The following GOLGA8A variants were observed in gnomAD, a reference collection of about 807,000 sequenced individuals.
GOLGA8A encodes the protein golgin subfamily A member 8A.
A neutral mutation model predicts 22.1 loss-of-function variants in GOLGA8A; 3 were observed. The observed-to-expected ratio is 0.14, with a 90% CI of 0.06 to 0.35. The LOEUF (loss-of-function observed/expected upper bound fraction) is 0.35, where lower values mean the gene tolerates loss of function less well. GOLGA8A is among the 10% of genes least tolerant of loss of function. GOLGA8A has a pLI of 1.00. For synonymous variants in GOLGA8A, 7 were observed against 91.7 expected (o/e 0.08, Z 5.28); for missense variants, 16 against 233.2 (o/e 0.07, Z 6.07).
At chr15:34,427,980 A>G (rs1354177991) in intron 2 of GOLGA8A, among the ~76,000 whole-genome samples, 1 of 149,006 alleles carries the variant, frequency 6.7e-6, no homozygotes, top group Non-Finnish European at 1.5e-5. Context: ...GAACTACAGC[A>G]TAATATTAGA....
rs1566903166 is a variant in GOLGA8A at position 34,383,950 on chromosome 15, C to CA, written c.654+10dup. 1.9e-5 allele frequency: 9 copies of CA among 485,940 alleles called. No individual in the cohort carries two copies. In the Admixed American group the frequency reaches 2.0e-4, roughly 11 times the overall value. 30.1% of individuals were successfully genotyped at this position (485,940 alleles called of 1,614,324 possible). ...TCTTCCTTCCACATCCCTCCCTCTG[C>CA]AAAACCTCACCTGTGTCACGTGTCC... On this transcript the variant is annotated intron_variant, in intron 17 of 24. Coordinates refer to ENST00000359187, the MANE Select transcript of GOLGA8A (RefSeq NM_181077.5).
rs1427327458 is a variant in GOLGA8A, at chr15:34,437,257, C to T, written c.-1212+141G>A. The T allele has an allele frequency of 2.7e-5, 4 of 146,326 alleles. 1 individual carries two copies. The highest frequency in any genetic ancestry group is 6.1e-5 in the Non-Finnish European group (4 of 65,802). The allele number at this position is 146,326 out of a possible 1,614,324, so 9.1% of individuals were successfully genotyped here. A position where few individuals can be genotyped will look rare whatever the true frequency, so the allele number is the denominator to read the frequency against. The stretch of plus-strand genomic sequence containing the variant: ...CAGCGGCGGCCTCCCCGCAGCCCCG[C>T]CGAGTCCGGGGGGCAGCGCTCGGGA... On this transcript the variant is annotated intron_variant, in intron 1 of 24. Coordinates refer to ENST00000359187, the MANE Select transcript of GOLGA8A (RefSeq NM_181077.5).
intron 2 of GOLGA8A, among the ~76,000 whole-genome samples, chr15:34,413,920 G>A (rs1158716716): frequency 1.6e-5 from 1 of 62,610 alleles, no homozygotes; most frequent in Non-Finnish European, 3.1e-5. Context: ...GTGGCTTATA[G>A]TAAAGTGACT....
rs1440243813 is a variant in GOLGA8A, at chr15:34,422,721, T to G, written c.-1123+12662A>C. 3.3e-5 allele frequency among the ~76,000 whole-genome samples: 3 copies of G among 90,382 alleles called. 1 individual carries two copies. The highest frequency in any genetic ancestry group is 9.0e-5 in the African/African-American group (3 of 33,202). 59.3% of individuals were successfully genotyped at this position (90,382 alleles called of 152,430 possible). On this transcript the variant is annotated intron_variant, in intron 2 of 24. Transcript: ENST00000359187. ...CTCGCGCTCGTGCGCTTGTGCGCTC[T>G]CTCTCGCTCTCGCTCTCTCTCTCTC...
At position 34,437,416 on chromosome 15, in the gene GOLGA8A, T is replaced by G. The variant is rs952409737; in HGVS notation, c.-1230A>C. 5 of 140,780 alleles carry G rather than the reference T, an allele frequency of 3.6e-5. No homozygotes were observed. The highest frequency in any genetic ancestry group is 2.1e-4 in the East Asian group (1 of 4,688). 8.7% of individuals were successfully genotyped at this position (140,780 alleles called of 1,614,324 possible). On this transcript the variant is annotated 5_prime_UTR_variant, in exon 1 of 25. Coordinates refer to ENST00000359187, the MANE Select transcript of GOLGA8A (RefSeq NM_181077.5). Reference sequence around the variant, plus strand: ...AGCTTACCTGGCCAGGGCGCGGGGCTGCCCCGGTCCGCCGCCGTCCTCGCC... The same window carrying G: ...AGCTTACCTGGCCAGGGCGCGGGGCGGCCCCGGTCCGCCGCCGTCCTCGCC...
chr15:34,435,148 G>A (rs900426897), intron 2 of GOLGA8A, among the ~76,000 whole-genome samples: 9 of 149,402 alleles, frequency 6.0e-5, no homozygotes, highest in East Asian at 2.0e-4. Context: ...GAGGAGTGCC[G>A]GAGAGGAGCT....
chr15:34,436,379 G>C (rs1893511224), intron 1 of GOLGA8A, among the ~76,000 whole-genome samples: 2 of 149,908 alleles, frequency 1.3e-5, no homozygotes, highest in African/African-American at 4.9e-5. Context: ...CCAGACACAA[G>C]ATGCCAAGTT....
rs1370012315 is a variant in GOLGA8A at position 34,379,386 on chromosome 15, A to T, written c.*2025T>A. 1.3e-5 allele frequency: 2 copies of T among 152,504 alleles called. No homozygotes were observed. Among genetic ancestry groups the T allele is most frequent in the Non-Finnish European group, 2.9e-5 (2 of 68,022 alleles). 9.4% of individuals were successfully genotyped at this position (152,504 alleles called of 1,614,324 possible). ...TTATTTTAAAATGACTCTTTAAGAT[A>T]CAGTTTTAAACCCATGGGCTAGAAA... On this transcript the variant is annotated 3_prime_UTR_variant, in exon 25 of 25. Transcript: ENST00000359187.
At chr15:34,400,659 C>T (rs1892024283) in intron 6 of GOLGA8A, 53 bp downstream of exon 6, 1 of 144,984 alleles carries the variant, frequency 6.9e-6, no homozygotes, top group Non-Finnish European at 1.6e-5. Flanking sequence ...TTATTCGTTA[C>T]CCCGTATGAA....
chr15:34,429,848 G>C (rs1005104347), intron 2 of GOLGA8A, among the ~76,000 whole-genome samples: 3 of 148,126 alleles, frequency 2.0e-5, no homozygotes, highest in African/African-American at 7.5e-5. Context: ...GTGAATGACG[G>C]GCAAGGTGAG....
chr15:34,426,094 C>T (rs188069635), intron 2 of GOLGA8A, among the ~76,000 whole-genome samples: 10 of 148,502 alleles, frequency 6.7e-5, no homozygotes, highest in African/African-American at 2.5e-4. Flanking sequence ...CGCAAGTCCA[C>T]TTCTAGGAAT....
At position 34,381,024 on chromosome 15, in the gene GOLGA8A, G is replaced by T. The variant is rs1004062251; in HGVS notation, c.*387C>A. The T allele has an allele frequency of 2.0e-5, 7 of 356,318 alleles. No individual in the cohort carries two copies. Among genetic ancestry groups the T allele is most frequent in the Non-Finnish European group, 3.8e-5 (7 of 186,474 alleles). The allele number at this position is 356,318 out of a possible 1,614,324, so 22.1% of individuals were successfully genotyped here. ...CATTAGCAAATTTTATCTGAATTCT[G>T]TAATGGACATCCATGCTGCAATAAC... On this transcript the variant is annotated 3_prime_UTR_variant, in exon 25 of 25. Coordinates refer to ENST00000359187, the MANE Select transcript of GOLGA8A (RefSeq NM_181077.5).
chr15:34,432,165 CCTT>C (rs1893284952), intron 2 of GOLGA8A, among the ~76,000 whole-genome samples: 2 of 149,324 alleles, frequency 1.3e-5, no homozygotes, highest in Admixed American at 1.4e-4. Context: ...ACGTCAGCCA[CCTT>C]CCTGGAGGGC....
In GOLGA8A at chr15:34,427,246, G is replaced by A. The variant is rs1341129092; in HGVS notation, c.-1123+8137C>T. On this transcript the variant is annotated intron_variant, in intron 2 of 24. Transcript: ENST00000359187. ...CTCGGGAAGCTGAGGAAGGAGAATG[G>A]CGTGAACCCAGGAGGTGGAGCTTAC... 1.7e-4 allele frequency among the ~76,000 whole-genome samples: 25 copies of A among 144,990 alleles called. 1 individual carries two copies. Among genetic ancestry groups the A allele is most frequent in the African/African-American group, 5.9e-4 (23 of 38,874 alleles).
In GOLGA8A at chr15:34,430,569, C is replaced by G. The variant is rs1858195776; in HGVS notation, c.-1123+4814G>C. On this transcript the variant is annotated intron_variant, in intron 2 of 24. Coordinates refer to ENST00000359187, the MANE Select transcript of GOLGA8A (RefSeq NM_181077.5). The stretch of plus-strand genomic sequence containing the variant: ...CTGTGGCCAAAATCGGCCCACTCAT[C>G]ACTCAGCTGACAGCTTTCACGCGTA... 1.3e-5 allele frequency among the ~76,000 whole-genome samples: 2 copies of G among 149,330 alleles called. 1 individual carries two copies. The highest frequency in any genetic ancestry group is 1.4e-4 in the Admixed American group (2 of 14,804).
chr15:34,393,090 A>T (rs1227892827), intron 8 of GOLGA8A, among the ~76,000 whole-genome samples: 1 of 148,336 alleles, frequency 6.7e-6, no homozygotes, highest in Non-Finnish European at 1.5e-5. Flanking sequence ...AAAGGCTTGC[A>T]AGGAGATAGA....
At chr15:34,431,341 A>ATCTCTCTCTCTCTC (rs1566914029) in intron 2 of GOLGA8A, among the ~76,000 whole-genome samples, 4 of 103,088 alleles carry the variant, frequency 3.9e-5, no homozygotes, top group African/African-American at 1.4e-4. Context: ...ATATATATAT[A>ATCTCTCTCTCTCTC]TATATCTCAC....
chr15:34,431,314 T>TAC (rs1555400109), intron 2 of GOLGA8A, among the ~76,000 whole-genome samples: 3 of 9,616 alleles, frequency 3.1e-4, no homozygotes, highest in African/African-American at 7.4e-4. Flanking sequence ...TATATATACA[T>TAC]ATATATATAT....
At chr15:34,431,343 A>ATATCTATC (rs1231384010) in intron 2 of GOLGA8A, among the ~76,000 whole-genome samples, 21 of 119,288 alleles carry the variant, frequency 1.8e-4, no homozygotes, top group Non-Finnish European at 2.8e-4. Flanking sequence ...ATATATATAT[A>ATATCTATC]TATCTCACAC....
Sources: allele counts gnomAD v4.1 joint callset (sites outside exome capture counted in the v4.1 genomes callset), GRCh38; gene constraint gnomAD v4.1.1; transcripts MANE v1.5; gene names NCBI Gene and HGNC (gene_info 2026-07-23, HGNC 2026-07-21).